The following NAALADL2 variants were observed in gnomAD, a reference collection of about 807,000 sequenced individuals.
NAALADL2 encodes inactive N-acetylated-alpha-linked acidic dipeptidase-like protein 2.
In NAALADL2, 76 loss-of-function variants were observed where a neutral mutation model predicts 87.2. The observed-to-expected ratio is 0.87, with a 90% confidence interval of 0.72 to 1.05. The LOEUF (loss-of-function observed/expected upper bound fraction) is 1.05. Among genes scored for constraint, NAALADL2 ranks in the 50% least tolerant of loss-of-function variants. NAALADL2 has a pLI of 0.00. For synonymous variants in NAALADL2, 354 were observed against 331.0 expected (o/e 1.07, Z -0.75); for missense variants, 1,089 against 945.8 (o/e 1.15, Z -1.99).
intron 3 of NAALADL2, among the ~76,000 whole-genome samples, chr3:174,750,729 C>T (rs937753512): frequency 6.6e-5 from 10 of 152,060 alleles, no homozygotes; most frequent in Admixed American, 2.0e-4. Context: ...CCACCGCACC[C>T]GGCCTATTAT....
chr3:174,576,015 C>T (rs1017106672), intron 2 of NAALADL2, among the ~76,000 whole-genome samples: 2 of 152,062 alleles, frequency 1.3e-5, no homozygotes, highest in African/African-American at 4.8e-5. Context: ...AGGCATGCAC[C>T]ACCATGCCTG....
chr3:175,789,705 C>T (rs1380439954), intron 13 of NAALADL2, among the ~76,000 whole-genome samples: 4 of 152,048 alleles, frequency 2.6e-5, no homozygotes, highest in South Asian at 2.1e-4. Flanking sequence ...TTAAGAACTG[C>T]ATGCATTATT....
At chr3:174,606,688 G>A (rs866538838) in intron 2 of NAALADL2, among the ~76,000 whole-genome samples, 25 of 152,250 alleles carry the variant, frequency 1.6e-4, no homozygotes, top group African/African-American at 4.6e-4. Context: ...CCAAATCTAC[G>A]TCTGATTGGT....
At chr3:175,387,517 A>C (rs149757660) in intron 5 of NAALADL2, among the ~76,000 whole-genome samples, 1 of 152,166 alleles carries the variant, frequency 6.6e-6, no homozygotes, top group African/African-American at 2.4e-5. Flanking sequence ...TATCATTATA[A>C]ATTTAGGAAC....
At chr3:174,804,663 T>C (rs760961848) in intron 3 of NAALADL2, among the ~76,000 whole-genome samples, 8 of 151,878 alleles carry the variant, frequency 5.3e-5, no homozygotes, top group Non-Finnish European at 1.0e-4. Context: ...AGAAATCTTA[T>C]GACATGGACC....
In NAALADL2 at chr3:175,505,439, A is replaced by G. The variant is rs73884434; in HGVS notation, c.1653+33681A>G. Among the ~76,000 whole-genome samples the G allele has an allele frequency of 3.7e-3, 558 of 152,276 alleles. 2 individuals are homozygous for G. The highest frequency in any genetic ancestry group is 0.013 in the African/African-American group (551 of 41,566). ...ACCCACAGTCCATAAAGATAAGAAA[A>G]AATTATTGTTTTAATCCAGTATGGT... On this transcript the variant is annotated intron_variant, in intron 9 of 13. Coordinates refer to ENST00000454872, the MANE Select transcript of NAALADL2 (RefSeq NM_207015.3).
At chr3:174,919,968 GAAAT>G (rs908399789) in intron 1 of NAALADL2, among the ~76,000 whole-genome samples, 6 of 152,236 alleles carry the variant, frequency 3.9e-5, no homozygotes, top group African/African-American at 7.2e-5. Flanking sequence ...GTGATACATT[GAAAT>G]AAATAGTTTT....
intron 3 of NAALADL2, among the ~76,000 whole-genome samples, chr3:174,832,535 C>T (rs1337600788): frequency 2.0e-5 from 3 of 152,108 alleles, no homozygotes; most frequent in Non-Finnish European, 4.4e-5. Context: ...GATCTCAGCT[C>T]ACTGCAAGCT....
intron 1 of NAALADL2, among the ~76,000 whole-genome samples, chr3:174,971,518 C>T (rs1054422057): frequency 1.2e-4 from 18 of 152,108 alleles, no homozygotes; most frequent in African/African-American, 4.3e-4. Flanking sequence ...TTCCTTCAGT[C>T]TCAACTTCCT....
intron 5 of NAALADL2, among the ~76,000 whole-genome samples, chr3:175,370,484 G>C (rs920557483): frequency 6.6e-6 from 1 of 150,888 alleles, no homozygotes; most frequent in African/African-American, 2.4e-5. Flanking sequence ...AGAATTTAGA[G>C]TTACTGCCAA....
At chr3:174,922,233 C>T (rs1295829591) in intron 1 of NAALADL2, among the ~76,000 whole-genome samples, 1 of 151,076 alleles carries the variant, frequency 6.6e-6, no homozygotes, top group Non-Finnish European at 1.5e-5. Flanking sequence ...TTACTTGAAC[C>T]CAGAAGTTCA....
chr3:175,107,283 G>A (rs1723329311), intron 2 of NAALADL2, among the ~76,000 whole-genome samples: 1 of 151,928 alleles, frequency 6.6e-6, no homozygotes, highest in Admixed American at 6.6e-5. Context: ...ATGTGGGTAA[G>A]GCTCATCCAA....
At chr3:174,583,016 C>T (rs747175583) in intron 2 of NAALADL2, among the ~76,000 whole-genome samples, 3 of 152,192 alleles carry the variant, frequency 2.0e-5, no homozygotes, top group Admixed American at 6.6e-5. Context: ...ATAGACACAA[C>T]GTCCATTATA....
At chr3:175,747,019 AGTT>A (rs1746018179) in intron 12 of NAALADL2, among the ~76,000 whole-genome samples, 2 of 152,196 alleles carry the variant, frequency 1.3e-5, no homozygotes, top group Non-Finnish European at 2.9e-5. Context: ...CTATGTAAAT[AGTT>A]GTTATACTGA....
chr3:175,589,858 C>T (rs1416737613), intron 10 of NAALADL2, among the ~76,000 whole-genome samples: 2 of 150,542 alleles, frequency 1.3e-5, no homozygotes, highest in East Asian at 3.9e-4. Context: ...ACCTTCGTGG[C>T]AGAGCATGAG....
chr3:175,155,974 C>G (rs1461904260), intron 2 of NAALADL2, among the ~76,000 whole-genome samples: 1 of 152,104 alleles, frequency 6.6e-6, no homozygotes, highest in Non-Finnish European at 1.5e-5. Flanking sequence ...TAAACAAGTG[C>G]TTATTAAAAT....
intron 2 of NAALADL2, among the ~76,000 whole-genome samples, chr3:174,655,718 T>C (rs1163612829): frequency 6.6e-6 from 1 of 152,214 alleles, no homozygotes; most frequent in Non-Finnish European, 1.5e-5. Context: ...ATAATTTAGA[T>C]AATTTAAAGT....
chr3:174,833,476 A>T (rs567993316), intron 3 of NAALADL2, among the ~76,000 whole-genome samples: 1 of 152,174 alleles, frequency 6.6e-6, no homozygotes, highest in Non-Finnish European at 1.5e-5. Context: ...AGTATCATAC[A>T]TTTAAGGATG....
chr3:175,479,397 A>C (rs893481948), intron 9 of NAALADL2, among the ~76,000 whole-genome samples: 1 of 151,864 alleles, frequency 6.6e-6, no homozygotes, highest in African/African-American at 2.4e-5. Flanking sequence ...CTTGCATTAT[A>C]AAGATCCAAA....
Sources: gnomAD v4.1 joint callset for allele counts (sites outside exome capture counted in the v4.1 genomes callset) on GRCh38, gnomAD v4.1.1 for gene constraint, MANE v1.5 for transcripts, NCBI Gene and HGNC (gene_info 2026-07-23, HGNC 2026-07-21) for gene names.